TMOD3: variants seen among roughly 807,000 people sequenced by gnomAD.
The protein encoded by TMOD3 is tropomodulin 3, also known as tropomodulin-3.
A neutral mutation model predicts 39.2 loss-of-function variants in TMOD3; 20 were observed. The observed-to-expected ratio is 0.51, with a 90% CI of 0.36 to 0.74. The LOEUF is 0.74. Among genes scored for constraint, TMOD3 ranks in the 30% least tolerant of loss-of-function variants. The pLI, the probability that TMOD3 is intolerant of heterozygous loss-of-function variation, is 0.00. For missense variants in TMOD3, 381 were observed against 412.8 expected (o/e 0.92, Z 0.67); for synonymous variants, 143 against 145.8 (o/e 0.98, Z 0.14).
intron 9 of TMOD3, among the ~76,000 whole-genome samples, chr15:51,905,988 GACC>G (rs1281955668): frequency 1.4e-5 from 2 of 142,510 alleles, no homozygotes; most frequent in African/African-American, 2.7e-5. Context: ...AAAGAAATTG[GACC>G]AGATCCAAAG....
chr15:51,900,116 A>G (rs1292396682), intron 7 of TMOD3, 39 bp from the exon 8 acceptor site: 3 of 1,597,992 alleles, frequency 1.9e-6, no homozygotes, highest in East Asian at 2.2e-5. Flanking sequence ...TAGGTACTGT[A>G]TCAAATTTTA....
At chr15:51,863,948 A>G (rs1381967483) in intron 2 of TMOD3, among the ~76,000 whole-genome samples, 4 of 152,154 alleles carry the variant, frequency 2.6e-5, no homozygotes, top group African/African-American at 4.8e-5. Flanking sequence ...AGTTCAATCT[A>G]TTAGACCTAT....
At chr15:51,900,114 G>A (rs1891774587) in intron 7 of TMOD3, 41 bp from the exon 8 acceptor site, 1 of 1,586,366 alleles carries the variant, frequency 6.3e-7, no homozygotes, top group Non-Finnish European at 8.6e-7. Flanking sequence ...AGTAGGTACT[G>A]TATCAAATTT....
At chr15:51,875,812 G>T (rs975466949) in intron 3 of TMOD3, among the ~76,000 whole-genome samples, 2 of 151,810 alleles carry the variant, frequency 1.3e-5, no homozygotes, top group South Asian at 4.2e-4. Context: ...TAGAGACAGG[G>T]TTTCACTGTG....
chr15:51,900,978 C>T (rs1036908344), intron 8 of TMOD3: 43 of 152,110 alleles, frequency 2.8e-4, no homozygotes, highest in Admixed American at 2.8e-3. Context: ...AAAAAGAAAC[C>T]CCATACCCAT....
chr15:51,897,366 T>G (rs1190419902), intron 7 of TMOD3, among the ~76,000 whole-genome samples: 2 of 152,078 alleles, frequency 1.3e-5, no homozygotes, highest in East Asian at 1.9e-4. Flanking sequence ...AATGGACATC[T>G]TACATGTAAG....
At chr15:51,896,285 T>C in intron 6 of TMOD3, 134 bp from the exon 7 acceptor site, 6 of 611,938 alleles carry the variant, frequency 9.8e-6, no homozygotes, top group Non-Finnish European at 1.1e-5. Context: ...TGTATTCATT[T>C]GTAGACTAAT....
Position 51,910,676 on chromosome 15 carries a change from T to C in TMOD3, c.*1866T>C, listed in dbSNP as rs1467135437. On this transcript the variant is annotated 3_prime_UTR_variant, in exon 10 of 10. Transcript: ENST00000308580. ...TTATCTAATAAGCAAGGCAGCTTCT[T>C]GTGTGCTATGGTAATAAGCCTTCTT... 1 of 152,212 alleles carries C rather than the reference T, an allele frequency of 6.6e-6. No homozygotes were observed. The highest frequency in any genetic ancestry group is 1.9e-4 in the East Asian group (1 of 5,196). 9.4% of individuals were successfully genotyped at this position (152,212 alleles called of 1,614,324 possible).
intron 1 of TMOD3, among the ~76,000 whole-genome samples, chr15:51,857,851 A>G (rs2006772): frequency 0.46 from 69,012 of 151,310 alleles, 15,902 homozygotes; most frequent in Admixed American, 0.53. Context: ...GAAATATCAC[A>G]TCATTGATAT....
chr15:51,857,353 G>T (rs1291883626), intron 1 of TMOD3, among the ~76,000 whole-genome samples: 2 of 152,096 alleles, frequency 1.3e-5, no homozygotes, highest in Non-Finnish European at 2.9e-5. Context: ...GGGTGTTCAT[G>T]GTTTTTCATT....
intron 3 of TMOD3, among the ~76,000 whole-genome samples, chr15:51,879,847 C>G (rs959076535): frequency 7.4e-6 from 1 of 135,262 alleles, no homozygotes; most frequent in Non-Finnish European, 1.6e-5. Flanking sequence ...CTTTCTCTCT[C>G]TCTGTCTTTC....
intron 1 of TMOD3, among the ~76,000 whole-genome samples, chr15:51,835,515 C>T (rs1021892235): frequency 2.6e-5 from 4 of 152,142 alleles, no homozygotes; most frequent in African/African-American, 9.7e-5. Flanking sequence ...CATCATGTTT[C>T]CCAGGCTGTC....
At chr15:51,876,508 C>T (rs1302243810) in intron 3 of TMOD3, among the ~76,000 whole-genome samples, 1 of 149,576 alleles carries the variant, frequency 6.7e-6, no homozygotes, top group African/African-American at 2.5e-5. Context: ...GTTTCCCAGG[C>T]TGGAGTGCAG....
At chr15:51,894,881 A>G (rs2141704448) in intron 6 of TMOD3, among the ~76,000 whole-genome samples, 1 of 152,300 alleles carries the variant, frequency 6.6e-6, no homozygotes, top group Admixed American at 6.5e-5. Context: ...TCTTGAGTAA[A>G]CACCTAGGAA....
intron 1 of TMOD3, among the ~76,000 whole-genome samples, chr15:51,849,061 G>T (rs2056348935): frequency 6.6e-6 from 1 of 152,168 alleles, no homozygotes. Flanking sequence ...TATTGCAATA[G>T]CCCAGATAAG....
At chr15:51,889,669 G>A (rs2056582506) in intron 5 of TMOD3, among the ~76,000 whole-genome samples, 1 of 151,904 alleles carries the variant, frequency 6.6e-6, no homozygotes, top group Non-Finnish European at 1.5e-5. Flanking sequence ...CAGGAGTTCA[G>A]GACCAGCATT....
At chr15:51,893,783 T>A in intron 5 of TMOD3, 32 bp from the exon 6 acceptor site, 2 of 1,461,466 alleles carry the variant, frequency 1.4e-6, no homozygotes, top group Non-Finnish European at 1.8e-6. Flanking sequence ...AAAAATGGTA[T>A]CAAATCCTGC....
At chr15:51,884,447 A>G (rs16964596) in intron 3 of TMOD3, 5,583 of 152,360 alleles carry the variant, frequency 0.037, 128 homozygotes, top group Non-Finnish European at 0.05. Context: ...ATAGTTGCCC[A>G]TTGAACAACC....
intron 3 of TMOD3, among the ~76,000 whole-genome samples, chr15:51,875,492 G>A (rs1039796494): frequency 3.3e-5 from 5 of 151,994 alleles, no homozygotes; most frequent in Admixed American, 6.5e-5. Flanking sequence ...CCAGATGGAC[G>A]GCTTGTTACT....
Sources: gnomAD v4.1 joint callset for allele counts (sites outside exome capture counted in the v4.1 genomes callset) on GRCh38, gnomAD v4.1.1 for gene constraint, MANE v1.5 for transcripts, NCBI Gene and HGNC (gene_info 2026-07-23, HGNC 2026-07-21) for gene names.